SLF1: variants seen among roughly 807,000 people sequenced by gnomAD.
SLF1 encodes the protein SMC5/6 complex localization factor 1.
Under a neutral mutation model 123.0 loss-of-function variants are expected in SLF1, and 105 were observed. That is an observed-to-expected ratio of 0.85 (90% CI 0.73 to 1.00). The LOEUF (loss-of-function observed/expected upper bound fraction) is 1.00, where lower values mean the gene tolerates loss of function less well. Among genes scored for constraint, SLF1 ranks in the 50% least tolerant of loss-of-function variants. The probability of loss-of-function intolerance (pLI) is 0.00; values close to 1 mark genes in which losing one functional copy is unlikely to be tolerated. For synonymous variants in SLF1, 434 were observed against 406.6 expected (o/e 1.07, Z -0.81); for missense variants, 1,239 against 1,223.0 (o/e 1.01, Z -0.20).
At chr5:94,654,786 A>G (rs1748178721) in intron 9 of SLF1, 34 bp downstream of exon 9, 3 of 1,453,278 alleles carry the variant, frequency 2.1e-6, no homozygotes, top group South Asian at 1.5e-5. Flanking sequence ...TTTGTATAAT[A>G]TCGTGTCTTA....
intron 5 of SLF1, 46 bp downstream of exon 5, chr5:94,643,481 A>G: frequency 8.1e-7 from 1 of 1,236,940 alleles, no homozygotes; most frequent in Non-Finnish European, 1.1e-6. Flanking sequence ...TCATGTGTTC[A>G]TTTTATAAAA....
chr5:94,630,372 C>G, intron 3 of SLF1, 131 bp from the exon 4 acceptor site: 1 of 1,108,412 alleles, frequency 9.0e-7, no homozygotes, highest in Non-Finnish European at 1.2e-6. Context: ...ATGCATAGTT[C>G]AAAGATAATG....
At position 94,651,832 on chromosome 5, in the gene SLF1, C is replaced by A; in HGVS notation, c.869C>A (p.Thr290Lys). 1 of 1,414,572 alleles carries A rather than the reference C, an allele frequency of 7.1e-7. No individual in the cohort carries two copies. The highest frequency in any genetic ancestry group is 1.5e-5 in the South Asian group (1 of 66,252). The allele number at this position is 1,414,572 out of a possible 1,614,324, so 87.6% of individuals were successfully genotyped here. Residue 290 changes from threonine to lysine, a missense_variant, in exon 7 of 21, where the codon ACA becomes AAA. Transcript: ENST00000265140. Reference sequence around the variant, plus strand: ...ATGAGAAATACCTTTGGAAGCCATACATATGAAAATCAGGTACAACTTTCC... The same window carrying A: ...ATGAGAAATACCTTTGGAAGCCATAAATATGAAAATCAGGTACAACTTTCC... ...VKMRNTFGSHTYENQKEIKKK... is the reference protein window; with the variant it reads ...VKMRNTFGSHKYENQKEIKKK...
At chr5:94,631,949 C>A (rs1409608907) in intron 4 of SLF1, among the ~76,000 whole-genome samples, 1 of 148,702 alleles carries the variant, frequency 6.7e-6, no homozygotes, top group Non-Finnish European at 1.5e-5. Flanking sequence ...GATGCTGTCT[C>A]TACAAAATTT....
intron 10 of SLF1, among the ~76,000 whole-genome samples, chr5:94,662,873 AT>A (rs1196664780): frequency 6.6e-6 from 1 of 152,164 alleles, no homozygotes; most frequent in Non-Finnish European, 1.5e-5. Context: ...CTTTTAGAAT[AT>A]TTTTGACTCA....
At chr5:94,670,598 C>T (rs1293627497) in intron 13 of SLF1, among the ~76,000 whole-genome samples, 2 of 151,786 alleles carry the variant, frequency 1.3e-5, no homozygotes, top group African/African-American at 4.8e-5. Context: ...ACTGAGCCTA[C>T]AATGGTAAGT....
intron 15 of SLF1, among the ~76,000 whole-genome samples, chr5:94,682,007 CGTGTGTGTGCATGTGT>C (rs764119498): frequency 3.9e-5 from 6 of 151,918 alleles, no homozygotes; most frequent in East Asian, 1.9e-4. Context: ...ACCAACTGTG[CGTGTGTGTGCATGTGT>C]GTGTGTGTGC....
rs1315661098 is a variant in SLF1, at chr5:94,688,658, G to A, written c.2274G>A (p.Leu758=). 1 of 1,613,780 alleles carries A rather than the reference G, an allele frequency of 6.2e-7. No individual in the cohort carries two copies. Among genetic ancestry groups the A allele is most frequent in the African/African-American group, 1.3e-5 (1 of 74,900 alleles). The change falls in exon 17 of 21, where the codon CTG becomes CTA. Residue 758 remains leucine, a synonymous_variant. Transcript: ENST00000265140. ...CTAAACAAAAACAAGTCGAAGGGCTGCCAGAGTTACTGTAAGTGATGCTGA... is the reference window on the plus strand; with the variant it reads ...CTAAACAAAAACAAGTCGAAGGGCTACCAGAGTTACTGTAAGTGATGCTGA... The part of the protein sequence containing the change: ...NGTKQKQVEG[L]PELLDLNLAK...
At chr5:94,649,716 G>A in intron 6 of SLF1, 119 bp downstream of exon 6, 1 of 943,312 alleles carries the variant, frequency 1.1e-6, no homozygotes. Context: ...TGAACCATGT[G>A]TTTATAGTCT....
rs1447424662 is a variant in SLF1, at chr5:94,692,086, G to A, written c.2525G>A (p.Trp842Ter). The change falls in exon 20 of 21, where the codon TGG becomes TAG. Residue 842 changes from tryptophan (W) to a stop codon, truncating the protein, a stop_gained. Coordinates refer to ENST00000265140, the MANE Select transcript of SLF1 (RefSeq NM_032290.4). LOFTEE classifies it high-confidence loss of function. Reference sequence around the variant, plus strand: ...ATTTCTAATTTAGACAATGCTGGCTGGACGCCTTTGCATGAAGCCTGTAAC... The same window carrying A: ...ATTTCTAATTTAGACAATGCTGGCTAGACGCCTTTGCATGAAGCCTGTAAC... ...IDINVKDNAG[W>*]TPLHEACNYG... is the part of the protein sequence containing the mutation. The A allele has an allele frequency of 7.4e-6, 12 of 1,613,132 alleles. No individual in the cohort carries two copies. Among genetic ancestry groups the A allele is most frequent in the Non-Finnish European group, 1.0e-5 (12 of 1,179,506 alleles).
At chr5:94,622,705 A>T (rs1352281536) in intron 1 of SLF1, among the ~76,000 whole-genome samples, 2 of 152,068 alleles carry the variant, frequency 1.3e-5, no homozygotes, top group African/African-American at 4.8e-5. Flanking sequence ...TTGGGGGGAA[A>T]ACTTTAGTTC....
intron 10 of SLF1, among the ~76,000 whole-genome samples, chr5:94,663,237 A>G (rs1386228780): frequency 1.3e-5 from 2 of 152,250 alleles, no homozygotes; most frequent in Non-Finnish European, 2.9e-5. Context: ...ACAGAAAATA[A>G]TTAATATAAC....
chr5:94,695,319 T>A lies in SLF1; in HGVS notation c.*7T>A, dbSNP rs1753451771. On this transcript the variant is annotated 3_prime_UTR_variant, in exon 21 of 21. Coordinates refer to ENST00000265140, the MANE Select transcript of SLF1 (RefSeq NM_032290.4). ...AGTCATGGAGTTTTCATGATGATGC[T>A]AGAAAGTATGGATTGACTTTCTAAA... The A allele has an allele frequency of 1.9e-6, 3 of 1,595,092 alleles. No individual in the cohort carries two copies. The highest frequency in any genetic ancestry group is 2.6e-6 in the Non-Finnish European group (3 of 1,169,600).
At chr5:94,674,361 A>G (rs1025437201) in intron 14 of SLF1, among the ~76,000 whole-genome samples, 3 of 152,218 alleles carry the variant, frequency 2.0e-5, no homozygotes, top group Non-Finnish European at 4.4e-5. Context: ...AATAAAAGCA[A>G]CATATGTGTG....
In SLF1 at chr5:94,670,882, A is replaced by C. The variant is rs1230746148; in HGVS notation, c.1701A>C (p.Thr567=). 7.7e-6 allele frequency: 12 copies of C among 1,550,104 alleles called. No homozygotes were observed. The change falls in exon 14 of 21, where the codon ACA becomes ACC. Residue 567 remains threonine (T), a synonymous_variant. Transcript: ENST00000265140. The stretch of plus-strand genomic sequence containing the variant: ...CAGATTCTCAGAATCTGAAAATAAC[A>C]GGAAAGGCAATGCTTCTTGAAATTT... The part of the protein sequence containing the change: ...DWSDSQNLKI[T]GKAMLLEIFW...
intron 2 of SLF1, 53 bp from the exon 3 acceptor site, chr5:94,629,039 A>G (rs1274551984): frequency 3.4e-6 from 5 of 1,470,500 alleles, no homozygotes; most frequent in Non-Finnish European, 4.6e-6. Context: ...AGGATGTGTC[A>G]TAAAGGGAGT....
chr5:94,687,494 C>G (rs533959709), intron 16 of SLF1, among the ~76,000 whole-genome samples: 3 of 152,000 alleles, frequency 2.0e-5, no homozygotes, highest in Non-Finnish European at 2.9e-5. Context: ...CCCAGGAGTT[C>G]GAGACCAGCC....
chr5:94,669,621 A>G (rs1750207780), intron 12 of SLF1, among the ~76,000 whole-genome samples: 1 of 152,106 alleles, frequency 6.6e-6, no homozygotes, highest in African/African-American at 2.4e-5. Flanking sequence ...CTAGTAGAAC[A>G]TATACATCAT....
intron 1 of SLF1, chr5:94,620,252 A>G (rs1352670642): frequency 6.6e-6 from 1 of 152,248 alleles, no homozygotes; most frequent in African/African-American, 2.4e-5. Flanking sequence ...TTGTAAAGAC[A>G]GCGAACCTTC....
Sources: gnomAD v4.1 joint callset for allele counts (sites outside exome capture counted in the v4.1 genomes callset) on GRCh38, gnomAD v4.1.1 for gene constraint, MANE v1.5 for transcripts, NCBI Gene and HGNC (gene_info 2026-07-23, HGNC 2026-07-21) for gene names.